The following IGSF10 variants were observed in gnomAD, a reference collection of about 807,000 sequenced individuals.
IGSF10 encodes the protein calvaria mechanical force protein 608.
In IGSF10, 126 loss-of-function variants were observed where a neutral mutation model predicts 128.2. The ratio of observed to expected loss-of-function variants is 0.98; its 90% CI spans 0.85 to 1.14. The LOEUF (loss-of-function observed/expected upper bound fraction) is 1.14. IGSF10 is among the 50% of genes most tolerant of loss of function. IGSF10 has a pLI of 0.00. For synonymous variants in IGSF10, 1,185 were observed against 1,146.2 expected (o/e 1.03, Z -0.68); for missense variants, 3,295 against 3,149.8 (o/e 1.05, Z -1.10).
the IGSF10 span, among the ~76,000 whole-genome samples, chr3:151,488,760 T>G: frequency 6.6e-6 from 1 of 152,236 alleles, no homozygotes; most frequent in Non-Finnish European, 1.5e-5. Context: ...TTGGGAAAAC[T>G]GGCTTGCCAT....
the IGSF10 span, among the ~76,000 whole-genome samples, chr3:151,576,065 C>T: frequency 3.0e-4 from 45 of 151,578 alleles, 1 homozygote; most frequent in Non-Finnish European, 8.8e-5. Context: ...TTTGATTTTT[C>T]TAGGTTTGAT....
rs1560168151 is a variant in IGSF10, at chr3:151,436,967, T to G, written c.7594A>C (p.Asn2532His). The change falls in exon 8 of 8, where the codon AAT becomes CAT. Residue 2532 changes from asparagine (N) to histidine (H), a missense_variant. Transcript: ENST00000282466. ...GTGACAATACTCCTGGGTGGACGAT[T>G]TGTAATTCGGGGAGGGTAGGCTACA... is the stretch of plus-strand genomic sequence containing the variant. ...MIVAYPPRITNRPPRSIVTRT... is the reference protein window; with the variant it reads ...MIVAYPPRITHRPPRSIVTRT... The G allele has an allele frequency of 1.2e-6, 2 of 1,614,202 alleles. No homozygotes were observed. The highest frequency in any genetic ancestry group is 2.7e-5 in the African/African-American group (2 of 75,056).
At chr3:151,440,671 T>G in intron 7 of IGSF10, 1 of 455,936 alleles carries the variant, frequency 2.2e-6, no homozygotes. Context: ...TTCTTAAACT[T>G]GGCTAAACAT....
chr3:151,478,726 GAGA>G, the IGSF10 span, among the ~76,000 whole-genome samples: 2 of 152,140 alleles, frequency 1.3e-5, no homozygotes, highest in Non-Finnish European at 2.9e-5. Flanking sequence ...TTTTGCATTT[GAGA>G]AGAAGGATAA....
intron 5 of IGSF10, 123 bp from the exon 6 acceptor site, chr3:151,449,388 G>A (rs1262990867): frequency 6.2e-6 from 6 of 960,956 alleles, no homozygotes; most frequent in Non-Finnish European, 8.9e-6. Context: ...TCAATGGAAA[G>A]TTTTCTGATT....
the IGSF10 span, among the ~76,000 whole-genome samples, chr3:151,562,221 G>A: frequency 6.6e-6 from 1 of 152,136 alleles, no homozygotes; most frequent in Admixed American, 6.6e-5. Context: ...CCTCACTGCT[G>A]CAGTCCCGCC....
At chr3:151,604,152 A>C in the IGSF10 span, among the ~76,000 whole-genome samples, 1 of 152,180 alleles carries the variant, frequency 6.6e-6, no homozygotes, top group Non-Finnish European at 1.5e-5. Context: ...ATAGTAAGTA[A>C]ACTATCTAAA....
rs1200162052 is a variant in IGSF10 at position 151,437,439 on chromosome 3, T to C, written c.7122A>G (p.Pro2374=). 13 of 1,614,218 alleles carry C rather than the reference T, an allele frequency of 8.1e-6. No homozygotes were observed. Among genetic ancestry groups the C allele is most frequent in the Non-Finnish European group, 1.1e-5 (13 of 1,180,036 alleles). The change falls in exon 8 of 8, where the codon CCA becomes CCG. Residue 2374 remains proline, a synonymous_variant. Transcript: ENST00000282466. ...NPPPEIIWIL[P]NGTRFSNGPQ... ...GTCCATTGGAAAATCGTGTGCCATTTGGTAAAATCCAGATTATTTCAGGTG... is the reference window on the plus strand; with the variant it reads ...GTCCATTGGAAAATCGTGTGCCATTCGGTAAAATCCAGATTATTTCAGGTG...
In IGSF10 at chr3:151,458,812, C is replaced by T. The variant is rs182429129; in HGVS notation, c.-1-102G>A. The T allele has an allele frequency of 2.2e-4, 195 of 903,938 alleles. No individual in the cohort carries two copies. In the East Asian group the frequency reaches 4.5e-3, roughly 21 times the overall value. 56.0% of individuals were successfully genotyped at this position (903,938 alleles called of 1,614,324 possible). ...AATCTGGGAGACCTTCTTTAAGGGT[C>T]GTAAGTGGTCAATTCCATTCCTACC... On this transcript the variant is annotated intron_variant, in intron 2 of 7. Transcript: ENST00000282466.
the IGSF10 span, among the ~76,000 whole-genome samples, chr3:151,558,018 A>ATATATATTATATATAATATATATTAT: frequency 2.6e-4 from 4 of 15,218 alleles, no homozygotes; most frequent in African/African-American, 3.8e-4. Flanking sequence ...ATATATATAT[A>ATATATATTATATATAATATATATTAT]ATATATATAT....
At chr3:151,544,376 T>C in the IGSF10 span, among the ~76,000 whole-genome samples, 2 of 152,222 alleles carry the variant, frequency 1.3e-5, no homozygotes, top group South Asian at 2.1e-4. Flanking sequence ...CTCACCTCCA[T>C]AGGATTTCCT....
At position 151,447,313 on chromosome 3, in the gene IGSF10, A is replaced by C. The variant is rs774493240; in HGVS notation, c.2668T>G (p.Ser890Ala). The C allele has an allele frequency of 1.2e-6, 2 of 1,614,170 alleles. No individual in the cohort carries two copies. Residue 890 changes from serine to alanine, a missense_variant, in exon 6 of 8, where the codon TCA becomes GCA. By Grantham distance (99) the Ser-to-Ala change is moderately conservative. Coordinates refer to ENST00000282466, the MANE Select transcript of IGSF10 (RefSeq NM_178822.5). ...AGTAGCAGTGGAAAGACAGTGGATG[A>C]ATGTTGATTGGTTGTGCCTTGTATT... ...SQIQGTTNQH[S>A]STVFPLLLGA...
At chr3:151,551,106 C>T in the IGSF10 span, among the ~76,000 whole-genome samples, 2 of 152,140 alleles carry the variant, frequency 1.3e-5, no homozygotes, top group Non-Finnish European at 2.9e-5. Context: ...GCCAAGCAAA[C>T]TCAGACCATA....
the IGSF10 span, among the ~76,000 whole-genome samples, chr3:151,569,086 A>C: frequency 6.6e-6 from 1 of 152,170 alleles, no homozygotes; most frequent in Non-Finnish European, 1.5e-5. Context: ...CCTGTATTTA[A>C]TTTGAGACCG....
intron 7 of IGSF10, among the ~76,000 whole-genome samples, chr3:151,439,289 A>G (rs936293449): frequency 6.6e-6 from 1 of 152,236 alleles, no homozygotes; most frequent in Non-Finnish European, 1.5e-5. Context: ...GTTATTAGTA[A>G]CAAAACAATT....
the IGSF10 span, among the ~76,000 whole-genome samples, chr3:151,484,402 G>A: frequency 3.9e-5 from 6 of 152,218 alleles, no homozygotes; most frequent in African/African-American, 1.4e-4. Flanking sequence ...GTCCCTGACT[G>A]ATGGCTCTGA....
At chr3:151,603,512 C>G in the IGSF10 span, among the ~76,000 whole-genome samples, 1 of 152,220 alleles carries the variant, frequency 6.6e-6, no homozygotes, top group Non-Finnish European at 1.5e-5. Context: ...CTAGAACTTT[C>G]TCCCTTTATC....
Position 151,458,682 on chromosome 3 carries a change from A to C in IGSF10, c.28T>G (p.Cys10Gly). 1.2e-6 allele frequency: 2 copies of C among 1,613,878 alleles called. No homozygotes were observed. Among genetic ancestry groups the C allele is most frequent in the Middle Eastern group, 3.3e-4 (2 of 6,060 alleles). ...ATCACAGCAAAGGAGACCAGCAAGCAGGTGATTCCTCTGCCTTTTACCTTC... is the reference window on the plus strand; with the variant it reads ...ATCACAGCAAAGGAGACCAGCAAGCCGGTGATTCCTCTGCCTTTTACCTTC... MKVKGRGIT[C>G]LLVSFAVICL... is the part of the protein sequence containing the mutation. Residue 10 changes from cysteine to glycine, a missense_variant, in exon 3 of 8, where the codon TGC (cysteine) becomes GGC (glycine). Physicochemically the swap from Cys to Gly is radical, Grantham distance 159 (BLOSUM62 -3). Transcript: ENST00000282466.
chr3:151,438,325 A>G lies in IGSF10; in HGVS notation c.6236T>C (p.Met2079Thr). 6.2e-7 allele frequency: 1 copy of G among 1,614,134 alleles called. No individual in the cohort carries two copies. Among genetic ancestry groups the G allele is most frequent in the Middle Eastern group, 1.6e-4 (1 of 6,062 alleles). The change falls in exon 8 of 8, where the codon ATG becomes ACG. Residue 2079 changes from methionine to threonine, a missense_variant. Physicochemically the swap from Met to Thr is moderately conservative, Grantham distance 81. Coordinates refer to ENST00000282466, the MANE Select transcript of IGSF10 (RefSeq NM_178822.5). ...EISWSLPDGT[M>T]INNAMQADDS... is the part of the protein sequence containing the mutation. ...ATCGGCTTGCATTGCATTGTTGATC[A>G]TGGTTCCATCAGGCAAACTCCAAGA...
Sources: allele counts gnomAD v4.1 joint callset (sites outside exome capture counted in the v4.1 genomes callset), GRCh38; gene constraint gnomAD v4.1.1; transcripts MANE v1.5; gene names NCBI Gene and HGNC (gene_info 2026-07-23, HGNC 2026-07-21).